The following CDC14B variants were observed in gnomAD, a reference collection of about 807,000 sequenced individuals.
CDC14B encodes cell division cycle 14B.
In CDC14B, 22 loss-of-function variants were observed where a neutral mutation model predicts 64.2. The observed-to-expected ratio is 0.34, with a 90% CI of 0.24 to 0.49. CDC14B has a LOEUF of 0.49. Among genes scored for constraint, CDC14B ranks in the 20% least tolerant of loss-of-function variants. The pLI, the probability that CDC14B is intolerant of heterozygous loss-of-function variation, is 0.99. For missense variants in CDC14B, 498 were observed against 629.9 expected (o/e 0.79, Z 2.24); for synonymous variants, 191 against 215.8 (o/e 0.89, Z 1.01).
In CDC14B at chr9:96,520,533, G is replaced by C. The variant is rs143766387; in HGVS notation, c.1343+1973C>G. Among the ~76,000 whole-genome samples the C allele has an allele frequency of 6.6e-5, 10 of 152,232 alleles. No homozygotes were observed. The East Asian group carries it at 1.9e-3, about 29-fold the overall frequency. On this transcript the variant is annotated intron_variant, in intron 12 of 13. Transcript: ENST00000375241. The stretch of plus-strand genomic sequence containing the variant: ...GCTAGATTTGAACTCACGTTAATGA[G>C]AGTAGCAGATTCAGAGGGTGACTAA...
chr9:96,566,781 G>A (rs771627507), intron 1 of CDC14B: 56 of 1,607,710 alleles, frequency 3.5e-5, no homozygotes, highest in African/African-American at 6.7e-5. Context: ...TGATCACCTC[G>A]GCTACCAAAG....
At chr9:96,576,943 G>A (rs1844846843) in intron 1 of CDC14B, among the ~76,000 whole-genome samples, 1 of 152,134 alleles carries the variant, frequency 6.6e-6, no homozygotes, top group Non-Finnish European at 1.5e-5. Flanking sequence ...CATGTTCAAT[G>A]ACTACAATAC....
intron 12 of CDC14B, among the ~76,000 whole-genome samples, chr9:96,512,804 G>A (rs1349847340): frequency 6.6e-6 from 1 of 151,556 alleles, no homozygotes; most frequent in Non-Finnish European, 1.5e-5. Flanking sequence ...CGCTCCCCTC[G>A]GCCACTCCCT....
intron 1 of CDC14B, among the ~76,000 whole-genome samples, chr9:96,601,686 G>T (rs910006019): frequency 1.3e-5 from 2 of 151,230 alleles, no homozygotes; most frequent in Non-Finnish European, 2.9e-5. Context: ...CCAGCTACTC[G>T]GGAAGCTGAG....
chr9:96,499,318 G>A (rs1382280647), downstream of CDC14B, among the ~76,000 whole-genome samples: 1 of 152,188 alleles, frequency 6.6e-6, no homozygotes, highest in Non-Finnish European at 1.5e-5. Context: ...ACAGAACACA[G>A]GGTCTTGAGT....
chr9:96,524,272 A>G (rs1238284295), intron 9 of CDC14B, among the ~76,000 whole-genome samples: 1 of 152,228 alleles, frequency 6.6e-6, no homozygotes, highest in Non-Finnish European at 1.5e-5. Context: ...ACTGGTATGC[A>G]GCATAGCTTG....
At chr9:96,573,898 A>C (rs975493806) in intron 1 of CDC14B, among the ~76,000 whole-genome samples, 2 of 152,210 alleles carry the variant, frequency 1.3e-5, no homozygotes, top group African/African-American at 4.8e-5. Flanking sequence ...CTGTAATCCC[A>C]GCACTTTGGG....
chr9:96,614,438 C>T (rs537514068), intron 1 of CDC14B, among the ~76,000 whole-genome samples: 3 of 152,152 alleles, frequency 2.0e-5, no homozygotes, highest in Admixed American at 2.0e-4. Flanking sequence ...CCGCCTTGGC[C>T]TCCCAAAGTG....
chr9:96,606,589 G>A (rs1381718040), intron 1 of CDC14B, among the ~76,000 whole-genome samples: 1 of 141,660 alleles, frequency 7.1e-6, no homozygotes, highest in Non-Finnish European at 1.5e-5. Context: ...TTCTGGAGAT[G>A]GTGTTTCACA....
At chr9:96,567,178 G>C in intron 1 of CDC14B, 1 of 330,048 alleles carries the variant, frequency 3.0e-6, no homozygotes, top group Non-Finnish European at 5.7e-6. Flanking sequence ...GAGGGGACAT[G>C]CGTCAGAGGC....
intron 1 of CDC14B, among the ~76,000 whole-genome samples, chr9:96,593,312 C>G (rs1156651908): frequency 1.3e-5 from 2 of 151,986 alleles, no homozygotes; most frequent in African/African-American, 4.8e-5. Flanking sequence ...GATGGTGAAA[C>G]CCCGTCTCTA....
At chr9:96,523,846 A>C in intron 9 of CDC14B, 121 bp from the exon 10 acceptor site, 4 of 972,452 alleles carry the variant, frequency 4.1e-6, no homozygotes, top group Non-Finnish European at 6.1e-6. Flanking sequence ...AGTGGTTCTC[A>C]AGGCTGGTTA....
chr9:96,542,723 G>C (rs774959320), intron 5 of CDC14B, among the ~76,000 whole-genome samples: 1 of 151,520 alleles, frequency 6.6e-6, no homozygotes, highest in Non-Finnish European at 1.5e-5. Flanking sequence ...TTAAACTCCC[G>C]GCCTCTGCCG....
In CDC14B at chr9:96,598,452, T is replaced by C. The variant is rs568500299; in HGVS notation, c.160+20767A>G. Among the ~76,000 whole-genome samples, 23 of 152,326 alleles carry C rather than the reference T, an allele frequency of 1.5e-4. No homozygotes were observed. The South Asian group carries it at 4.1e-3, about 27-fold the overall frequency. ...CCTGGGTTCATGTCATTCGCCTGCC[T>C]CAGCCTCCCCAGTAGCTGGGATTAC... On this transcript the variant is annotated intron_variant, in intron 1 of 13. Coordinates refer to ENST00000375241, the MANE Select transcript of CDC14B (RefSeq NM_033331.4).
chr9:96,495,647 G>A (rs1288205754), downstream of CDC14B, among the ~76,000 whole-genome samples: 1 of 152,200 alleles, frequency 6.6e-6, no homozygotes, highest in African/African-American at 2.4e-5. Flanking sequence ...GTGATGCTGG[G>A]GAAGTTTTCA....
At chr9:96,566,922 G>A (rs1844081095) in intron 1 of CDC14B, 2 of 1,525,970 alleles carry the variant, frequency 1.3e-6, no homozygotes, top group East Asian at 2.5e-5. Flanking sequence ...AGTTTAAAGG[G>A]CCGCGCGGGG....
At chr9:96,545,133 T>G (rs1231021761) in intron 5 of CDC14B, among the ~76,000 whole-genome samples, 3 of 151,992 alleles carry the variant, frequency 2.0e-5, no homozygotes, top group African/African-American at 4.8e-5. Flanking sequence ...AACCTACAAA[T>G]CAACACAAAT....
intron 12 of CDC14B, chr9:96,514,479 C>T (rs1835342029): frequency 2.0e-6 from 2 of 985,312 alleles, no homozygotes; most frequent in Middle Eastern, 5.2e-4. Flanking sequence ...AAGAAAATGC[C>T]ATAAATAGGA....
rs1197344078 is a variant in CDC14B, at chr9:96,619,512, C to T, written c.-134G>A. The T allele has an allele frequency of 7.6e-6, 2 of 264,566 alleles. No homozygotes were observed. The highest frequency in any genetic ancestry group is 1.1e-5 in the Non-Finnish European group (2 of 174,566). The allele number at this position is 264,566 out of a possible 1,614,324, so 16.4% of individuals were successfully genotyped here. A position where few individuals can be genotyped will look rare whatever the true frequency, so the allele number is the denominator to read the frequency against. On this transcript the variant is annotated 5_prime_UTR_variant, in exon 1 of 14. Transcript: ENST00000375241. ...GCGGCGCTGCGGGGACGGCGGGCGC[C>T]GGCAGAGCCCGGCGGGAGGCGGTCG...
Sources: allele counts gnomAD v4.1 joint callset (sites outside exome capture counted in the v4.1 genomes callset), GRCh38; gene constraint gnomAD v4.1.1; transcripts MANE v1.5; gene names NCBI Gene and HGNC (gene_info 2026-07-23, HGNC 2026-07-21).